Variants in SCN1A observed in about 807,000 individuals in gnomAD.
The protein encoded by SCN1A is sodium channel protein type 1 subunit alpha.
SCN1A carries 13 observed loss-of-function variants against 193.7 expected under a neutral mutation model. The observed-to-expected ratio is 0.07, with a 90% CI of 0.04 to 0.11. SCN1A has a LOEUF of 0.11. Among genes scored for constraint, SCN1A ranks in the 10% least tolerant of loss-of-function variants. The probability of loss-of-function intolerance (pLI) is 1.00; values close to 1 mark genes in which losing one functional copy is unlikely to be tolerated. For synonymous variants in SCN1A, 781 were observed against 843.6 expected, an observed-to-expected ratio of 0.93 and a Z score of 1.29; for missense variants, 1,432 against 2,451.1, an observed-to-expected ratio of 0.58 and a Z score of 8.78.
chr2:166,090,029 CTTTTTTTTTTTTTTTT>C (rs545740675), intron 2 of SCN1A, among the ~76,000 whole-genome samples: 2,263 of 71,564 alleles, frequency 0.032, 53 homozygotes, highest in Middle Eastern at 0.13. Flanking sequence ...TCCTTCTTTC[CTTTTTTTTTTTTTTTT>C]TTTTTTTTTT....
chr2:166,032,598 G>A (rs1400089266), intron 19 of SCN1A, among the ~76,000 whole-genome samples: 1 of 152,080 alleles, frequency 6.6e-6, no homozygotes, highest in Non-Finnish European at 1.5e-5. Flanking sequence ...AAAGTGCCAG[G>A]AAATTTGATA....
intron 6 of SCN1A, 23 bp downstream of exon 6, chr2:166,056,388 T>C (rs1699132293): frequency 1.5e-6 from 2 of 1,375,138 alleles, no homozygotes; most frequent in Non-Finnish European, 2.1e-6. Flanking sequence ...ATATATGTTA[T>C]TAAAAATATA....
intron 4 of SCN1A, among the ~76,000 whole-genome samples, chr2:166,069,519 A>G (rs1324582846): frequency 2.0e-5 from 3 of 152,344 alleles, no homozygotes; most frequent in African/African-American, 7.2e-5. Context: ...ACATTTTAAT[A>G]AGCTCACTGA....
At chr2:166,006,871 A>C (rs1161283683) in intron 23 of SCN1A, among the ~76,000 whole-genome samples, 3 of 150,980 alleles carry the variant, frequency 2.0e-5, no homozygotes, top group Non-Finnish European at 4.5e-5. Flanking sequence ...CAGTATCATG[A>C]GCTTAACAAG....
At chr2:166,117,911 C>T (rs934609946) in intron 2 of SCN1A, among the ~76,000 whole-genome samples, 5 of 151,196 alleles carry the variant, frequency 3.3e-5, no homozygotes, top group African/African-American at 4.9e-5. Context: ...TGCAGTGAGC[C>T]GAGATCCTGC....
chr2:166,072,243 TAAA>T (rs1364539439), intron 4 of SCN1A, among the ~76,000 whole-genome samples: 2 of 152,138 alleles, frequency 1.3e-5, no homozygotes, highest in Admixed American at 6.5e-5. Context: ...TGTCAAGTGA[TAAA>T]GAAGAAAATG....
chr2:166,033,204 C>T (rs1695864808), intron 19 of SCN1A, among the ~76,000 whole-genome samples: 1 of 152,120 alleles, frequency 6.6e-6, no homozygotes, highest in South Asian at 2.1e-4. Context: ...TCTGTTCTGC[C>T]TAGGGTTAGG....
At chr2:166,087,466 C>T (rs1436298208) in intron 2 of SCN1A, among the ~76,000 whole-genome samples, 3 of 152,112 alleles carry the variant, frequency 2.0e-5, no homozygotes. Context: ...AAGAGCAAAA[C>T]TCCATCTCAG....
At chr2:166,139,726 G>A (rs966142080) in intron 1 of SCN1A, among the ~76,000 whole-genome samples, 1 of 152,114 alleles carries the variant, frequency 6.6e-6, no homozygotes, top group African/African-American at 2.4e-5. Context: ...AGTGAAAGGG[G>A]AAACCCCTTA....
chr2:166,141,435 T>C (rs1692079851), intron 1 of SCN1A, among the ~76,000 whole-genome samples: 1 of 152,152 alleles, frequency 6.6e-6, no homozygotes, highest in South Asian at 2.1e-4. Flanking sequence ...TTCACACTTG[T>C]AATCCCAACA....
intron 2 of SCN1A, among the ~76,000 whole-genome samples, chr2:166,105,792 G>C (rs984143949): frequency 1.3e-5 from 2 of 152,176 alleles, no homozygotes; most frequent in Non-Finnish European, 2.9e-5. Context: ...ATAGCATCAA[G>C]AAATTGTCTT....
chr2:166,000,788 C>T (rs988217142), intron 24 of SCN1A, among the ~76,000 whole-genome samples: 1 of 151,514 alleles, frequency 6.6e-6, no homozygotes, highest in African/African-American at 2.4e-5. Flanking sequence ...TTCCATTACA[C>T]ACTTGGTATA....
chr2:166,082,451 T>C (rs1685632005), intron 2 of SCN1A, among the ~76,000 whole-genome samples: 1 of 151,182 alleles, frequency 6.6e-6, no homozygotes, highest in African/African-American at 2.4e-5. Flanking sequence ...TCTACTCTAA[T>C]TGATCTAGGT....
intron 19 of SCN1A, among the ~76,000 whole-genome samples, chr2:166,026,714 T>C (rs1486813510): frequency 2.8e-5 from 4 of 144,340 alleles, no homozygotes; most frequent in East Asian, 4.1e-4. Flanking sequence ...GACTGAGTCT[T>C]GCTCTGTCGC....
Position 165,997,037 on chromosome 2 carries a change from G to C in SCN1A, c.4477-920C>G, listed in dbSNP as rs1690171940. ...GTTTGGTGACAGTGAGGGAACGGTG[G>C]CATGGGTGTTCATACACTGATATTG... On this transcript the variant is annotated intron_variant, in intron 26 of 28. Coordinates refer to ENST00000674923, the MANE Select transcript of SCN1A (RefSeq NM_001165963.4). Among the ~76,000 whole-genome samples the C allele has an allele frequency of 4.0e-5, 6 of 151,284 alleles. No homozygotes were observed. In the South Asian group the frequency reaches 1.2e-3, roughly 31 times the overall value.
chr2:166,023,571 G>A (rs1694346453), intron 19 of SCN1A, among the ~76,000 whole-genome samples: 1 of 152,126 alleles, frequency 6.6e-6, no homozygotes, highest in Admixed American at 6.5e-5. Flanking sequence ...ATCCAAGAGA[G>A]ATATGAAGTG....
intron 19 of SCN1A, among the ~76,000 whole-genome samples, chr2:166,026,003 C>A (rs564362568): frequency 2.6e-4 from 40 of 152,138 alleles, no homozygotes; most frequent in African/African-American, 9.6e-4. Context: ...TTCTTTCTAT[C>A]AATTTATTAT....
chr2:166,053,986 AAG>A (rs1698866686), intron 7 of SCN1A, among the ~76,000 whole-genome samples: 1 of 149,658 alleles, frequency 6.7e-6, no homozygotes, highest in Non-Finnish European at 1.5e-5. Flanking sequence ...GTTCAGACTA[AAG>A]AGATGAAGAG....
chr2:166,147,533 T>C lies in SCN1A; in HGVS notation c.-50+1514A>G, dbSNP rs1050265706. On this transcript the variant is annotated intron_variant, in intron 1 of 26. Transcript: ENST00000635750. ...CTGACATTGTTATCTGAAAGATATATAAACTCAAAGATTATAAGTACAATT... is the reference window on the plus strand; with the variant it reads ...CTGACATTGTTATCTGAAAGATATACAAACTCAAAGATTATAAGTACAATT... Among the ~76,000 whole-genome samples, 6 of 152,314 alleles carry C rather than the reference T, an allele frequency of 3.9e-5. No homozygotes were observed. The East Asian group carries it at 7.7e-4, about 20-fold the overall frequency.
Sources: allele counts gnomAD v4.1 joint callset (sites outside exome capture counted in the v4.1 genomes callset), GRCh38; gene constraint gnomAD v4.1.1; transcripts MANE v1.5; gene names NCBI Gene and HGNC (gene_info 2026-07-23, HGNC 2026-07-21).